FUT8: variants seen among roughly 807,000 people sequenced by gnomAD.
The protein encoded by FUT8 is alpha-(1,6)-fucosyltransferase.
In FUT8, 29 loss-of-function variants were observed where a neutral mutation model predicts 71.3. The observed-to-expected ratio is 0.41, with a 90% CI of 0.30 to 0.55. FUT8 has a LOEUF of 0.55. FUT8 is among the 20% of genes least tolerant of loss of function. The probability of loss-of-function intolerance (pLI) is 0.34; values close to 1 mark genes in which losing one functional copy is unlikely to be tolerated. For missense variants in FUT8, 544 were observed against 702.1 expected (o/e 0.77, Z 2.55); for synonymous variants, 254 against 239.3 (o/e 1.06, Z -0.57).
intron 6 of FUT8, among the ~76,000 whole-genome samples, chr14:65,654,454 G>A (rs1043304655): frequency 6.6e-6 from 1 of 152,098 alleles, no homozygotes; most frequent in Non-Finnish European, 1.5e-5. Context: ...CGGGCATGGT[G>A]GCATGTGCCT....
the FUT8 span, among the ~76,000 whole-genome samples, chr14:65,400,893 A>AT: frequency 3.3e-5 from 5 of 152,190 alleles, no homozygotes; most frequent in Non-Finnish European, 7.3e-5. Flanking sequence ...TCAAAAAAAA[A>AT]GGGCTGTCTT....
chr14:65,650,068 G>A (rs1228194551), intron 6 of FUT8, among the ~76,000 whole-genome samples: 1 of 151,996 alleles, frequency 6.6e-6, no homozygotes, highest in East Asian at 1.9e-4. Flanking sequence ...AGGCCAAGGC[G>A]GGCGGATCAC....
rs1221728277 is a variant in FUT8, at chr14:65,616,244, G to A, written c.353G>A (p.Arg118Lys). Residue 118 changes from arginine to lysine, a missense_variant, in exon 5 of 11, where the codon AGG (arginine) becomes AAG (lysine). Transcript: ENST00000673929. ...AAGGATCATGAAATCCTGAGGAGGA[G>A]GATTGAAAATGGAGCTAAAGAGCTC... is the stretch of plus-strand genomic sequence containing the variant. ...LGKDHEILRR[R>K]IENGAKELWF... 1 of 1,610,280 alleles carries A rather than the reference G, an allele frequency of 6.2e-7. No homozygotes were observed. The highest frequency in any genetic ancestry group is 1.3e-5 in the African/African-American group (1 of 74,568).
At chr14:65,618,784 AG>A (rs1889442441) in intron 5 of FUT8, among the ~76,000 whole-genome samples, 1 of 152,154 alleles carries the variant, frequency 6.6e-6, no homozygotes, top group Admixed American at 6.5e-5. Context: ...GATAGTGTAT[AG>A]GTTTCTAGGT....
At chr14:65,618,137 A>G (rs1349722589) in intron 5 of FUT8, among the ~76,000 whole-genome samples, 1 of 148,940 alleles carries the variant, frequency 6.7e-6, no homozygotes, top group Non-Finnish European at 1.5e-5. Flanking sequence ...CCTGGTCTCC[A>G]GTGATCCTCC....
At chr14:65,499,408 C>T (rs1347468470) in intron 2 of FUT8, among the ~76,000 whole-genome samples, 3 of 151,938 alleles carry the variant, frequency 2.0e-5, no homozygotes, top group Non-Finnish European at 4.4e-5. Context: ...TCAGGTTTAC[C>T]ACTTTTTTTT....
At position 65,743,140 on chromosome 14, in the gene FUT8, GA is replaced by G. The variant is rs949052881; in HGVS notation, c.*732del. The G allele has an allele frequency of 2.0e-5, 3 of 152,100 alleles. No individual in the cohort carries two copies. The highest frequency in any genetic ancestry group is 4.4e-5 in the Non-Finnish European group (3 of 67,830). 9.4% of individuals were successfully genotyped at this position (152,100 alleles called of 1,614,324 possible). ...ATAACAAAAAATAAATTTTAAAAAG[GA>G]ATTTTGTAAAGTTTCTAGAATTTTA... On this transcript the variant is annotated 3_prime_UTR_variant, in exon 11 of 11. Transcript: ENST00000673929.
At chr14:65,586,440 A>T (rs1194000311) in intron 3 of FUT8, among the ~76,000 whole-genome samples, 1 of 152,224 alleles carries the variant, frequency 6.6e-6, no homozygotes, top group Admixed American at 6.5e-5. Flanking sequence ...TCATTTAATT[A>T]GGGTATTGAG....
intron 3 of FUT8, among the ~76,000 whole-genome samples, chr14:65,587,607 G>A (rs1349528703): frequency 6.6e-6 from 1 of 152,168 alleles, no homozygotes; most frequent in African/African-American, 2.4e-5. Flanking sequence ...TATTGTCTAG[G>A]TAACTTTTAG....
At chr14:65,479,718 AC>A (rs1427596565) in intron 2 of FUT8, 1 of 151,608 alleles carries the variant, frequency 6.6e-6, no homozygotes, top group African/African-American at 2.4e-5. Flanking sequence ...TTCTATTTTG[AC>A]CAGCAATAAG....
In FUT8 at chr14:65,454,487, T is replaced by A. The variant is rs1390753330; in HGVS notation, c.-325-1134T>A. On this transcript the variant is annotated intron_variant, in intron 1 of 10. Transcript: ENST00000673929. The stretch of plus-strand genomic sequence containing the variant: ...ACAATAAAGTAAAACAAAATAAATT[T>A]TAAAATCTTAAAAAAAAAGAAAATA... Among the ~76,000 whole-genome samples, 4 of 152,192 alleles carry A rather than the reference T, an allele frequency of 2.6e-5. No individual in the cohort carries two copies. The East Asian group carries it at 7.7e-4, about 29-fold the overall frequency.
intron 2 of FUT8, among the ~76,000 whole-genome samples, chr14:65,476,222 A>G (rs2066236797): frequency 6.6e-6 from 1 of 152,168 alleles, no homozygotes; most frequent in Admixed American, 6.5e-5. Context: ...CCAGAGCAGG[A>G]CTGGAGGATG....
At chr14:65,569,924 G>A (rs1259147837) in intron 3 of FUT8, among the ~76,000 whole-genome samples, 1 of 151,902 alleles carries the variant, frequency 6.6e-6, no homozygotes, top group Non-Finnish European at 1.5e-5. Context: ...TGTTCCTCAG[G>A]TATAATTCTT....
intron 3 of FUT8, among the ~76,000 whole-genome samples, chr14:65,570,339 AT>A (rs1006205970): frequency 6.6e-6 from 1 of 152,092 alleles, no homozygotes; most frequent in Non-Finnish European, 1.5e-5. Context: ...CTGCTCTGGA[AT>A]TTTAGTTAAT....
At chr14:65,686,050 G>C (rs1337730666) in intron 7 of FUT8, among the ~76,000 whole-genome samples, 1 of 152,198 alleles carries the variant, frequency 6.6e-6, no homozygotes, top group Non-Finnish European at 1.5e-5. Context: ...ATTCAAGTTG[G>C]AGTTGCTCTG....
At chr14:65,678,386 G>T (rs1002840407) in intron 7 of FUT8, among the ~76,000 whole-genome samples, 2 of 152,100 alleles carry the variant, frequency 1.3e-5, no homozygotes, top group Non-Finnish European at 1.5e-5. Flanking sequence ...TCAGTGTCTA[G>T]GCTGACTAAA....
Position 65,660,006 on chromosome 14 carries a change from G to A in FUT8, c.598-9237G>A, listed in dbSNP as rs979859840. Reference sequence around the variant, plus strand: ...AGGTGCTTGAGAAGATACATTTTCTGTGCATTTATATAGGATTGTCAGATT... The same window carrying A: ...AGGTGCTTGAGAAGATACATTTTCTATGCATTTATATAGGATTGTCAGATT... On this transcript the variant is annotated intron_variant, in intron 6 of 10. Transcript: ENST00000673929. This position sits in a 1 kb window ranked among gnomAD's most constrained non-coding sequence, Gnocchi z 4.1. 1.3e-5 allele frequency among the ~76,000 whole-genome samples: 2 copies of A among 152,110 alleles called. No individual in the cohort carries two copies. The highest frequency in any genetic ancestry group is 2.4e-5 in the African/African-American group (1 of 41,426).
At chr14:65,704,836 A>G (rs1894479140) in intron 7 of FUT8, among the ~76,000 whole-genome samples, 1 of 152,216 alleles carries the variant, frequency 6.6e-6, no homozygotes, top group South Asian at 2.1e-4. Context: ...CCTGAACTGC[A>G]TAACTCACTA....
intron 2 of FUT8, among the ~76,000 whole-genome samples, chr14:65,486,135 A>G (rs1441397976): frequency 2.0e-5 from 3 of 152,094 alleles, no homozygotes; most frequent in Non-Finnish European, 2.9e-5. Context: ...CAATTTCTTT[A>G]TGTTTTAGCA....
Sources: allele counts gnomAD v4.1 joint callset (sites outside exome capture counted in the v4.1 genomes callset), GRCh38; gene constraint gnomAD v4.1.1; non-coding constraint Gnocchi (gnomAD v3.1); transcripts MANE v1.5; gene names NCBI Gene and HGNC (gene_info 2026-07-23, HGNC 2026-07-21).